The following FCHSD2 variants were observed in gnomAD, a reference collection of about 807,000 sequenced individuals.
The protein encoded by FCHSD2 is F-BAR and double SH3 domains protein 2.
Under a neutral mutation model 108.1 loss-of-function variants are expected in FCHSD2, and 38 were observed. That is an observed-to-expected ratio of 0.35 (90% CI 0.27 to 0.46). The LOEUF (loss-of-function observed/expected upper bound fraction) is 0.46, where lower values mean the gene tolerates loss of function less well. FCHSD2 is among the 20% of genes least tolerant of loss of function. FCHSD2 has a pLI of 1.00. For missense variants in FCHSD2, 751 were observed against 897.8 expected (o/e 0.84, Z 2.09); for synonymous variants, 279 against 314.7 (o/e 0.89, Z 1.20).
intron 9 of FCHSD2, among the ~76,000 whole-genome samples, chr11:72,912,177 T>C (rs1184993747): frequency 6.6e-6 from 1 of 152,232 alleles, no homozygotes; most frequent in East Asian, 1.9e-4. Flanking sequence ...CTTCCAGTAC[T>C]ATGTTGAACA....
intron 12 of FCHSD2, 35 bp downstream of exon 12, chr11:72,887,434 AC>A: frequency 7.5e-7 from 1 of 1,342,240 alleles, no homozygotes; most frequent in Non-Finnish European, 1.1e-6. Context: ...GTGTCATTAG[AC>A]CTGGGCAAAA....
chr11:73,016,176 G>A (rs925013944), intron 3 of FCHSD2, among the ~76,000 whole-genome samples: 1 of 151,868 alleles, frequency 6.6e-6, no homozygotes, highest in Admixed American at 6.6e-5. Context: ...GGTAGCATGC[G>A]CCTGTAGTCC....
intron 8 of FCHSD2, among the ~76,000 whole-genome samples, chr11:72,942,737 T>G (rs1856444628): frequency 6.6e-6 from 1 of 152,238 alleles, no homozygotes; most frequent in Non-Finnish European, 1.5e-5. Context: ...CTATTCATTT[T>G]ATTTTATTTT....
intron 3 of FCHSD2, among the ~76,000 whole-genome samples, chr11:73,058,405 A>G (rs552086914): frequency 1.3e-5 from 2 of 152,246 alleles, no homozygotes; most frequent in East Asian, 3.9e-4. Flanking sequence ...TGTCATCACA[A>G]TTTGCCCATC....
intron 12 of FCHSD2, among the ~76,000 whole-genome samples, chr11:72,875,567 G>A (rs997019451): frequency 1.3e-5 from 2 of 152,074 alleles, no homozygotes; most frequent in Admixed American, 6.6e-5. Context: ...GGCCTCAAAC[G>A]ATCCTTCCGC....
intron 3 of FCHSD2, among the ~76,000 whole-genome samples, chr11:73,072,843 A>G (rs1339079021): frequency 6.6e-6 from 1 of 152,196 alleles, no homozygotes; most frequent in East Asian, 1.9e-4. Flanking sequence ...ACATAACACT[A>G]ACTTCTTGTA....
At chr11:73,047,776 T>C (rs1319858911) in intron 3 of FCHSD2, among the ~76,000 whole-genome samples, 1 of 152,218 alleles carries the variant, frequency 6.6e-6, no homozygotes, top group African/African-American at 2.4e-5. Flanking sequence ...GACTTTTTTA[T>C]AATGTGCAAA....
At chr11:73,116,420 T>C (rs549983991) in intron 2 of FCHSD2, among the ~76,000 whole-genome samples, 1 of 152,362 alleles carries the variant, frequency 6.6e-6, no homozygotes, top group African/African-American at 2.4e-5. Context: ...GCTGGGTGTT[T>C]TTCTCATTCT....
chr11:73,030,707 A>G (rs1217542179), intron 3 of FCHSD2, among the ~76,000 whole-genome samples: 1 of 152,210 alleles, frequency 6.6e-6, no homozygotes, highest in Non-Finnish European at 1.5e-5. Flanking sequence ...TACTGTATAT[A>G]TTTAAGACGT....
chr11:72,892,091 G>C (rs1020232055), intron 10 of FCHSD2, among the ~76,000 whole-genome samples: 5 of 152,220 alleles, frequency 3.3e-5, no homozygotes, highest in African/African-American at 4.8e-5. Flanking sequence ...AGCTAGATGA[G>C]AAAGGAGGCA....
chr11:72,861,269 A>C (rs1254648420), intron 13 of FCHSD2, among the ~76,000 whole-genome samples: 1 of 152,130 alleles, frequency 6.6e-6, no homozygotes, highest in Non-Finnish European at 1.5e-5. Context: ...TGTGCCAATA[A>C]ATCTGACAAC....
chr11:73,026,969 C>A (rs1307362922), intron 3 of FCHSD2, among the ~76,000 whole-genome samples: 1 of 152,142 alleles, frequency 6.6e-6, no homozygotes, highest in African/African-American at 2.4e-5. Context: ...TCAATTAAAC[C>A]TCTTCCTTGA....
intron 5 of FCHSD2, among the ~76,000 whole-genome samples, chr11:72,993,946 A>C (rs530404099): frequency 6.6e-6 from 1 of 152,320 alleles, no homozygotes; most frequent in Non-Finnish European, 1.5e-5. Flanking sequence ...TAGAAAAGCC[A>C]GGCTTTGGGC....
chr11:72,996,894 T>C (rs1174768911), intron 5 of FCHSD2, among the ~76,000 whole-genome samples: 1 of 152,194 alleles, frequency 6.6e-6, no homozygotes, highest in Non-Finnish European at 1.5e-5. Flanking sequence ...AAATTCAACT[T>C]AATGTTTTTC....
chr11:73,043,807 T>C (rs1858695629), intron 3 of FCHSD2, among the ~76,000 whole-genome samples: 1 of 152,134 alleles, frequency 6.6e-6, no homozygotes, highest in Admixed American at 6.6e-5. Context: ...CCTTCCTCTC[T>C]GCTAGCTAGA....
intron 2 of FCHSD2, among the ~76,000 whole-genome samples, chr11:73,130,087 G>A (rs1215630487): frequency 6.6e-6 from 1 of 151,778 alleles, no homozygotes; most frequent in Non-Finnish European, 1.5e-5. Context: ...TGTTAGCCAG[G>A]ATGGTCTCAA....
chr11:72,911,665 C>T (rs1486144793), intron 9 of FCHSD2, among the ~76,000 whole-genome samples: 1 of 151,988 alleles, frequency 6.6e-6, no homozygotes, highest in African/African-American at 2.4e-5. Flanking sequence ...TTTATTCCTT[C>T]CTTCCTTTTT....
At chr11:72,984,752 G>C (rs1392445100) in intron 7 of FCHSD2, among the ~76,000 whole-genome samples, 4 of 152,222 alleles carry the variant, frequency 2.6e-5, no homozygotes, top group African/African-American at 4.8e-5. Flanking sequence ...AAACGAAATA[G>C]ATTTTGTAGA....
chr11:72,941,369 T>C (rs1300542455), intron 8 of FCHSD2, among the ~76,000 whole-genome samples: 1 of 151,450 alleles, frequency 6.6e-6, no homozygotes, highest in Non-Finnish European at 1.5e-5. Context: ...TAAGAGGATA[T>C]AAAAACTATA....
Sources: gnomAD v4.1 joint callset for allele counts (sites outside exome capture counted in the v4.1 genomes callset) on GRCh38, gnomAD v4.1.1 for gene constraint, MANE v1.5 for transcripts, NCBI Gene and HGNC (gene_info 2026-07-23, HGNC 2026-07-21) for gene names.